DNAI4: variants seen among roughly 807,000 people sequenced by gnomAD.
DNAI4 encodes the protein dynein axonemal intermediate chain 4, also known as WD repeat domain 78.
A neutral mutation model predicts 105.8 loss-of-function variants in DNAI4; 85 were observed. That is an observed-to-expected ratio of 0.80 (90% CI 0.67 to 0.96). DNAI4 has a LOEUF of 0.96. DNAI4 is among the 40% of genes least tolerant of loss of function. The probability of loss-of-function intolerance (pLI) is 0.00; values close to 1 mark genes in which losing one functional copy is unlikely to be tolerated. For synonymous variants in DNAI4, 352 were observed against 331.5 expected (o/e 1.06, Z -0.67); for missense variants, 1,014 against 1,005.6 (o/e 1.01, Z -0.11).
chr1:66,893,603 C>A (rs1461519453), intron 2 of DNAI4, among the ~76,000 whole-genome samples, 190 bp from the exon 3 acceptor site: 3 of 151,954 alleles, frequency 2.0e-5, no homozygotes, highest in African/African-American at 7.2e-5. Context: ...CAAAAACTTT[C>A]TTAAAATATT....
At chr1:66,851,137 A>G (rs1228969129) in intron 7 of DNAI4, among the ~76,000 whole-genome samples, 1 of 151,976 alleles carries the variant, frequency 6.6e-6, no homozygotes, top group African/African-American at 2.4e-5. Context: ...ATAGGTTGAA[A>G]GTAAACAAAT....
At chr1:66,840,846 T>C (rs1646134675) in intron 8 of DNAI4, among the ~76,000 whole-genome samples, 175 bp from the exon 9 acceptor site, 1 of 152,228 alleles carries the variant, frequency 6.6e-6, no homozygotes, top group South Asian at 2.1e-4. Flanking sequence ...TGGCAGAGTC[T>C]TCTGCTGTTC....
intron 12 of DNAI4, 38 bp from the exon 13 acceptor site, chr1:66,833,744 C>T: frequency 6.2e-7 from 1 of 1,600,102 alleles, no homozygotes; most frequent in Non-Finnish European, 8.5e-7. Flanking sequence ...TTGTTATTTA[C>T]CACATGAAAG....
chr1:66,908,597 A>G (rs548232640), intron 1 of DNAI4, among the ~76,000 whole-genome samples: 75 of 152,324 alleles, frequency 4.9e-4, no homozygotes, highest in Non-Finnish European at 7.8e-4. Flanking sequence ...TATTTTTTCA[A>G]TGGCAATGAC....
intron 3 of DNAI4, among the ~76,000 whole-genome samples, chr1:66,892,941 GAAGAAAGAGAAGAAAGAAAGAAAGA>G (rs1411938672): frequency 5.9e-5 from 5 of 85,370 alleles, no homozygotes; most frequent in African/African-American, 2.5e-4. Context: ...AGAAGAAAGA[GAAGAAAGAGAAGAAAGAAAGAAAGA>G]AAGAAAGAAA....
intron 2 of DNAI4, chr1:66,904,931 G>A (rs1056150932): frequency 5.3e-6 from 2 of 379,160 alleles, no homozygotes; most frequent in African/African-American, 4.1e-5. Flanking sequence ...TAGTTGTAAT[G>A]TATATAATTA....
At chr1:66,880,052 G>A (rs1402367547) in intron 4 of DNAI4, among the ~76,000 whole-genome samples, 1 of 152,154 alleles carries the variant, frequency 6.6e-6, no homozygotes, top group East Asian at 1.9e-4. Flanking sequence ...AAAAGCGGGA[G>A]TTTCCCTGCA....
chr1:66,836,220 G>A (rs143707382), intron 10 of DNAI4, among the ~76,000 whole-genome samples: 61,915 of 89,736 alleles, frequency 0.69, 22,084 homozygotes, highest in East Asian at 0.71. Flanking sequence ...GAGAGAGAGA[G>A]AGAGAGAGAG....
intron 4 of DNAI4, among the ~76,000 whole-genome samples, chr1:66,887,920 C>CT (rs1647280515): frequency 6.6e-6 from 1 of 152,054 alleles, no homozygotes; most frequent in African/African-American, 2.4e-5. Context: ...GATCGCACCA[C>CT]TGCACTCCAG....
At chr1:66,856,251 C>T (rs7552362) in intron 7 of DNAI4, among the ~76,000 whole-genome samples, 5,360 of 151,486 alleles carry the variant, frequency 0.035, 136 homozygotes, top group Middle Eastern at 0.068. Flanking sequence ...GGGCAGATCA[C>T]GAGGTCAGGA....
chr1:66,821,417 C>T (rs1465494136), intron 16 of DNAI4, among the ~76,000 whole-genome samples: 1 of 152,100 alleles, frequency 6.6e-6, no homozygotes, highest in Admixed American at 6.6e-5. Context: ...ACATTTCTAA[C>T]AGTCTTGATT....
chr1:66,821,040 T>A (rs141834902), intron 16 of DNAI4, among the ~76,000 whole-genome samples: 2 of 151,438 alleles, frequency 1.3e-5, no homozygotes, highest in African/African-American at 4.8e-5. Flanking sequence ...TAGGCTAGTC[T>A]CAGAAGTGGA....
In DNAI4 at chr1:66,891,275, A is replaced by G. The variant is rs971643605; in HGVS notation, c.531-9T>C. 1.3e-6 allele frequency: 2 copies of G among 1,586,682 alleles called. No homozygotes were observed. Among genetic ancestry groups the G allele is most frequent in the East Asian group, 2.2e-5 (1 of 44,654 alleles). ...TGCTTCCTAAAACTGACCTTTAATA[A>G]TGAATAACAAAATTACTCATTTATT... On this transcript the variant is annotated splice_polypyrimidine_tract_variant and intron_variant, in intron 3 of 16. Transcript: ENST00000371026.
chr1:66,891,913 T>C (rs1925404), intron 3 of DNAI4, among the ~76,000 whole-genome samples: 19,551 of 152,232 alleles, frequency 0.13, 1,320 homozygotes, highest in Middle Eastern at 0.21. Flanking sequence ...TTTCTTTTTT[T>C]AGTTCCTCAA....
chr1:66,826,695 A>G (rs1486117086), intron 15 of DNAI4, 125 bp downstream of exon 15: 2 of 735,334 alleles, frequency 2.7e-6, no homozygotes, highest in Non-Finnish European at 4.5e-6. Flanking sequence ...TTCATAAAGG[A>G]CTCTCATAAA....
chr1:66,913,869 C>T (rs1048623611), intron 1 of DNAI4, among the ~76,000 whole-genome samples: 1 of 151,934 alleles, frequency 6.6e-6, no homozygotes, highest in Non-Finnish European at 1.5e-5. Context: ...GTAGTCCCAG[C>T]TACTCGGGAG....
At chr1:66,913,720 T>C (rs191175298) in intron 1 of DNAI4, among the ~76,000 whole-genome samples, 3 of 152,176 alleles carry the variant, frequency 2.0e-5, no homozygotes, top group East Asian at 1.9e-4. Flanking sequence ...CAGTGGCTCA[T>C]GCCTGTAATT....
At chr1:66,865,892 A>G (rs1646722280) in intron 6 of DNAI4, among the ~76,000 whole-genome samples, 1 of 152,232 alleles carries the variant, frequency 6.6e-6, no homozygotes, top group African/African-American at 2.4e-5. Flanking sequence ...AAGGTTCACA[A>G]AAAGGGAGGA....
chr1:66,836,144 G>GA (rs1645983961), intron 10 of DNAI4, among the ~76,000 whole-genome samples: 1 of 18,154 alleles, frequency 5.5e-5, no homozygotes, highest in African/African-American at 1.8e-4. Flanking sequence ...AGAAAGAAAA[G>GA]AAAGAAAGAA....
Sources: allele counts gnomAD v4.1 joint callset (sites outside exome capture counted in the v4.1 genomes callset), GRCh38; gene constraint gnomAD v4.1.1; transcripts MANE v1.5; gene names NCBI Gene and HGNC (gene_info 2026-07-23, HGNC 2026-07-21).